The following GNAZ variants were observed in gnomAD, a reference collection of about 807,000 sequenced individuals.
GNAZ encodes the protein G protein subunit alpha z.
A neutral mutation model predicts 25.4 loss-of-function variants in GNAZ; 3 were observed. The observed-to-expected ratio is 0.12, with a 90% confidence interval of 0.05 to 0.30. The LOEUF (loss-of-function observed/expected upper bound fraction) is 0.30. Among genes scored for constraint, GNAZ ranks in the 10% least tolerant of loss-of-function variants. The pLI, the probability that GNAZ is intolerant of heterozygous loss-of-function variation, is 1.00. For missense variants in GNAZ, 241 were observed against 501.8 expected, an observed-to-expected ratio of 0.48 and a Z score of 4.97; for synonymous variants, 211 against 205.7, an observed-to-expected ratio of 1.03 and a Z score of -0.22.
At chr22:23,098,186 C>T (rs1054350676) in intron 2 of GNAZ, among the ~76,000 whole-genome samples, 5 of 152,370 alleles carry the variant, frequency 3.3e-5, no homozygotes, top group African/African-American at 9.6e-5. Flanking sequence ...CTGCTCTAGC[C>T]GTGGTCAGCT....
At position 23,124,445 on chromosome 22, in the gene GNAZ, A is replaced by G. The variant is rs1435517129; in HGVS notation, c.*1014A>G. 1 of 468,666 alleles carries G rather than the reference A, an allele frequency of 2.1e-6. No homozygotes were observed. Among genetic ancestry groups the G allele is most frequent in the Non-Finnish European group, 4.4e-6 (1 of 225,684 alleles). 29.0% of individuals were successfully genotyped at this position (468,666 alleles called of 1,614,324 possible). A position where few individuals can be genotyped will look rare whatever the true frequency, so the allele number is the denominator to read the frequency against. Reference sequence around the variant, plus strand: ...GGCAGTCCTGCGCCAGCCTCGCGGGACACGTGTTGTACATAAGCCTCTGCA... The same window carrying G: ...GGCAGTCCTGCGCCAGCCTCGCGGGGCACGTGTTGTACATAAGCCTCTGCA... On this transcript the variant is annotated 3_prime_UTR_variant, in exon 3 of 3. Transcript: ENST00000615612.
At chr22:23,079,066 G>A (rs956047466) in intron 1 of GNAZ, among the ~76,000 whole-genome samples, 1 of 152,222 alleles carries the variant, frequency 6.6e-6, no homozygotes, top group South Asian at 2.1e-4. Context: ...GCACCTGCTT[G>A]GTGCTAGGTC....
intron 2 of GNAZ, among the ~76,000 whole-genome samples, chr22:23,098,881 G>C (rs947492063): frequency 6.6e-6 from 1 of 152,236 alleles, no homozygotes; most frequent in Non-Finnish European, 1.5e-5. Context: ...CAGAGCCAGT[G>C]CTGGCACGGG....
chr22:23,093,037 G>A lies in GNAZ; in HGVS notation c.-449-2210G>A, dbSNP rs375828210. Among the ~76,000 whole-genome samples, 65 of 152,204 alleles carry A rather than the reference G, an allele frequency of 4.3e-4. 1 individual carries two copies. Among genetic ancestry groups the A allele is most frequent in the Admixed American group, 4.6e-4 (7 of 15,284 alleles). On this transcript the variant is annotated intron_variant, in intron 1 of 2. Coordinates refer to ENST00000615612, the MANE Select transcript of GNAZ (RefSeq NM_002073.4). ...TCCACACCTAAGGGGCTGTCAGGTCGTCAGCAGGGACAAGGGAGCAGCCAC... is the reference window on the plus strand; with the variant it reads ...TCCACACCTAAGGGGCTGTCAGGTCATCAGCAGGGACAAGGGAGCAGCCAC...
intron 2 of GNAZ, among the ~76,000 whole-genome samples, chr22:23,112,889 C>T (rs1174181769): frequency 2.0e-5 from 3 of 152,158 alleles, no homozygotes; most frequent in African/African-American, 7.2e-5. Context: ...CCCACAGCTC[C>T]AGCTGGGCAG....
chr22:23,111,176 C>T (rs572578351), intron 2 of GNAZ, among the ~76,000 whole-genome samples: 4 of 152,310 alleles, frequency 2.6e-5, no homozygotes, highest in African/African-American at 9.6e-5. Flanking sequence ...TCACTGTCTG[C>T]CTGGTTTTTG....
intron 1 of GNAZ, among the ~76,000 whole-genome samples, chr22:23,092,418 G>A (rs1427781236): frequency 6.6e-6 from 1 of 152,088 alleles, no homozygotes; most frequent in Non-Finnish European, 1.5e-5. Context: ...GCCCCACAGA[G>A]CCGCAGGGAG....
intron 2 of GNAZ, chr22:23,122,424 C>T (rs1569187673): frequency 6.5e-6 from 1 of 152,826 alleles, no homozygotes; most frequent in Non-Finnish European, 1.5e-5. Context: ...GCCAGATGCC[C>T]CACAGCAGCT....
At chr22:23,073,639 G>C (rs899041886) in intron 1 of GNAZ, among the ~76,000 whole-genome samples, 3 of 152,254 alleles carry the variant, frequency 2.0e-5, no homozygotes, top group Non-Finnish European at 4.4e-5. Context: ...CGCTTCACAG[G>C]ATTGAACCAA....
chr22:23,124,214 GTTTTT>G lies in GNAZ; in HGVS notation c.*794_*798del. ...CATTTTTTTTTTGTTTTGTTTTTTG[GTTTTT>G]TTTTTTTTTTGGCCAAATCTCGTGG... On this transcript the variant is annotated 3_prime_UTR_variant, in exon 3 of 3. Transcript: ENST00000615612. 6.9e-6 allele frequency: 1 copy of G among 145,494 alleles called. No individual in the cohort carries two copies. The highest frequency in any genetic ancestry group is 1.5e-5 in the Non-Finnish European group (1 of 66,348). 9.0% of individuals were successfully genotyped at this position (145,494 alleles called of 1,614,324 possible). A position where few individuals can be genotyped will look rare whatever the true frequency, so the allele number is the denominator to read the frequency against.
chr22:23,098,074 G>A (rs2069177255), intron 2 of GNAZ, among the ~76,000 whole-genome samples: 2 of 152,252 alleles, frequency 1.3e-5, no homozygotes, highest in Admixed American at 6.5e-5. Flanking sequence ...TGACCCAGGT[G>A]TCTTCACAGA....
At chr22:23,107,005 A>G (rs1408636142) in intron 2 of GNAZ, among the ~76,000 whole-genome samples, 1 of 152,244 alleles carries the variant, frequency 6.6e-6, no homozygotes, top group Non-Finnish European at 1.5e-5. Context: ...ACTGCTGCGG[A>G]AGGCAGGGAG....
intron 2 of GNAZ, among the ~76,000 whole-genome samples, chr22:23,101,553 C>G (rs1217258088): frequency 2.6e-5 from 4 of 152,220 alleles, no homozygotes; most frequent in African/African-American, 4.8e-5. Context: ...AGAACATGGC[C>G]TCACTCTGCC....
intron 2 of GNAZ, among the ~76,000 whole-genome samples, chr22:23,106,658 CAACA>C (rs1427396621): frequency 1.3e-5 from 2 of 152,226 alleles, no homozygotes; most frequent in Non-Finnish European, 2.9e-5. Context: ...TGCTGGCTGA[CAACA>C]GAATAGTGGA....
At chr22:23,092,330 C>T (rs1255809600) in intron 1 of GNAZ, among the ~76,000 whole-genome samples, 1 of 152,182 alleles carries the variant, frequency 6.6e-6, no homozygotes, top group Non-Finnish European at 1.5e-5. Flanking sequence ...CAACGCAAGG[C>T]TTCCTTACAT....
At chr22:23,117,608 G>A (rs145946370) in intron 2 of GNAZ, among the ~76,000 whole-genome samples, 109 of 152,358 alleles carry the variant, frequency 7.2e-4, no homozygotes, top group African/African-American at 2.5e-3. Context: ...TGGGTGTGGC[G>A]TGGAGAGGGC....
intron 2 of GNAZ, among the ~76,000 whole-genome samples, chr22:23,107,410 G>A (rs959193456): frequency 3.9e-5 from 6 of 152,150 alleles, no homozygotes; most frequent in African/African-American, 4.8e-5. Flanking sequence ...GGGCAGGAGC[G>A]GTGGCCTTTC....
chr22:23,114,385 G>A (rs1039792663), intron 2 of GNAZ, among the ~76,000 whole-genome samples: 2 of 152,172 alleles, frequency 1.3e-5, no homozygotes, highest in South Asian at 2.1e-4. Flanking sequence ...GGGACAGACC[G>A]GCCCCGGCCC....
intron 1 of GNAZ, among the ~76,000 whole-genome samples, 186 bp from the exon 2 acceptor site, chr22:23,095,061 A>G (rs759218071): frequency 6.6e-6 from 1 of 152,236 alleles, no homozygotes; most frequent in South Asian, 2.1e-4. Context: ...AACAGCAGAC[A>G]TATGTGTTAC....
Sources: gnomAD v4.1 joint callset for allele counts (sites outside exome capture counted in the v4.1 genomes callset) on GRCh38, gnomAD v4.1.1 for gene constraint, MANE v1.5 for transcripts, NCBI Gene and HGNC (gene_info 2026-07-23, HGNC 2026-07-21) for gene names.